Variants in RPTOR observed in about 807,000 individuals in gnomAD.
RPTOR encodes regulatory-associated protein of mTOR.
A neutral mutation model predicts 169.9 loss-of-function variants in RPTOR; 21 were observed. That is an observed-to-expected ratio of 0.12 (90% CI 0.09 to 0.18). The LOEUF is 0.18. Ranked by LOEUF, RPTOR falls within the 10% of genes least tolerant of loss-of-function variation. RPTOR has a pLI of 1.00. For synonymous variants in RPTOR, 732 were observed against 753.2 expected, an observed-to-expected ratio of 0.97 and a Z score of 0.46; for missense variants, 1,133 against 1,855.9, an observed-to-expected ratio of 0.61 and a Z score of 7.16.
intron 7 of RPTOR, among the ~76,000 whole-genome samples, chr17:80,794,782 A>T (rs1026696144): frequency 6.6e-6 from 1 of 152,234 alleles, no homozygotes; most frequent in African/African-American, 2.4e-5. Flanking sequence ...CAGAAGTATC[A>T]CACTAAGTGT....
chr17:80,709,269 A>G (rs1217149490), intron 4 of RPTOR, among the ~76,000 whole-genome samples: 1 of 152,172 alleles, frequency 6.6e-6, no homozygotes, highest in Non-Finnish European at 1.5e-5. Context: ...GCAGGATGTA[A>G]TGAACCACCA....
intron 1 of RPTOR, among the ~76,000 whole-genome samples, chr17:80,588,517 A>G (rs2065080718): frequency 6.6e-6 from 1 of 152,076 alleles, no homozygotes; most frequent in African/African-American, 2.4e-5. Flanking sequence ...GCTATTGTGA[A>G]CCACACTGCA....
At chr17:80,827,557 G>A (rs1007848597) in intron 9 of RPTOR, among the ~76,000 whole-genome samples, 2 of 152,302 alleles carry the variant, frequency 1.3e-5, no homozygotes, top group Non-Finnish European at 2.9e-5. Flanking sequence ...GCCATATTCT[G>A]CTGGTTGAAA....
intron 4 of RPTOR, among the ~76,000 whole-genome samples, chr17:80,729,724 A>T (rs967212302): frequency 6.6e-6 from 1 of 152,250 alleles, no homozygotes; most frequent in Non-Finnish European, 1.5e-5. Flanking sequence ...GCCAACTCTT[A>T]GAGCTCCCCT....
chr17:80,918,510 T>TGAGCACCCTCGCCGGAGTCATAGCCAC (rs2068705775), intron 21 of RPTOR, among the ~76,000 whole-genome samples: 2 of 101,988 alleles, frequency 2.0e-5, no homozygotes, highest in African/African-American at 4.7e-5. Context: ...GTCATAGCCA[T>TGAGCACCCTCGCCGGAGTCATAGCCAC]GAGCACCCTC....
intron 5 of RPTOR, chr17:80,743,273 A>G: frequency 1.0e-6 from 1 of 985,436 alleles, no homozygotes; most frequent in Non-Finnish European, 1.2e-6. Flanking sequence ...ATGATGAACA[A>G]AATGTTTCCG....
At chr17:80,703,085 G>A (rs2066114810) in intron 3 of RPTOR, among the ~76,000 whole-genome samples, 1 of 152,116 alleles carries the variant, frequency 6.6e-6, no homozygotes, top group Non-Finnish European at 1.5e-5. Context: ...TCAGCACCGT[G>A]GCTTGTTCTT....
intron 11 of RPTOR, 120 bp downstream of exon 11, chr17:80,846,694 C>T: frequency 1.3e-6 from 1 of 765,886 alleles, no homozygotes; most frequent in Non-Finnish European, 2.2e-6. Context: ...ACATCCCAGC[C>T]CCTCTGCCCC....
intron 5 of RPTOR, among the ~76,000 whole-genome samples, chr17:80,743,998 C>G (rs146457471): frequency 7.7e-5 from 3 of 38,940 alleles, no homozygotes; most frequent in African/African-American, 2.0e-4. Flanking sequence ...GTTATGAGCA[C>G]AGCCCTGGTT....
intron 3 of RPTOR, among the ~76,000 whole-genome samples, chr17:80,665,471 TCC>T: frequency 5.1e-5 from 2 of 39,212 alleles, no homozygotes; most frequent in Admixed American, 2.3e-4. Flanking sequence ...TCCTTTCCTT[TCC>T]TTTCCTTTCC....
intron 13 of RPTOR, among the ~76,000 whole-genome samples, chr17:80,872,854 T>C (rs1450682711): frequency 6.6e-6 from 1 of 152,106 alleles, no homozygotes; most frequent in Non-Finnish European, 1.5e-5. Context: ...GCTGTCTCTG[T>C]GTGGCAACTT....
chr17:80,742,664 CAT>C (rs750984963), intron 5 of RPTOR, among the ~76,000 whole-genome samples: 8 of 135,680 alleles, frequency 5.9e-5, no homozygotes, highest in Non-Finnish European at 1.3e-4. Flanking sequence ...AACACATGCA[CAT>C]ACACATACAG....
chr17:80,744,667 C>T (rs1374012747), intron 5 of RPTOR, among the ~76,000 whole-genome samples: 1 of 29,272 alleles, frequency 3.4e-5, no homozygotes, highest in Non-Finnish European at 7.1e-5. Context: ...ACGAGCACAG[C>T]CCTGGCTACT....
At chr17:80,634,556 CTGTGTGTGTGCATACTGTG>C (rs1567831075) in intron 2 of RPTOR, among the ~76,000 whole-genome samples, 1 of 72,086 alleles carries the variant, frequency 1.4e-5, no homozygotes, top group Non-Finnish European at 2.7e-5. Flanking sequence ...TGTGTGCATA[CTGTGTGTGTGCATACTGTG>C]TGTGTGTGCG....
At chr17:80,862,727 C>G (rs572956309) in intron 13 of RPTOR, among the ~76,000 whole-genome samples, 24 of 152,088 alleles carry the variant, frequency 1.6e-4, no homozygotes, top group African/African-American at 5.8e-4. Flanking sequence ...GCTCCGCCCC[C>G]ACATGATGAG....
At chr17:80,697,715 C>T (rs68144719) in intron 3 of RPTOR, among the ~76,000 whole-genome samples, 44,295 of 152,140 alleles carry the variant, frequency 0.29, 7,809 homozygotes, top group Admixed American at 0.46. Context: ...CTGGGCTGAG[C>T]AGAGGGCTCG....
At chr17:80,744,091 C>CCCTGGCTACTAGCACTGT (rs2066529750) in intron 5 of RPTOR, among the ~76,000 whole-genome samples, 1 of 87,676 alleles carries the variant, frequency 1.1e-5, no homozygotes. Context: ...ACGAGCACAG[C>CCCTGGCTACTAGCACTGT]CCTGGTTACT....
chr17:80,752,794 C>G (rs1182821175), intron 5 of RPTOR, among the ~76,000 whole-genome samples: 1 of 152,194 alleles, frequency 6.6e-6, no homozygotes, highest in East Asian at 1.9e-4. Context: ...ACAGTCCTGT[C>G]ATTTTTTAAA....
At chr17:80,835,872 A>T (rs971286786) in intron 9 of RPTOR, among the ~76,000 whole-genome samples, 4 of 152,170 alleles carry the variant, frequency 2.6e-5, no homozygotes, top group African/African-American at 9.7e-5. Context: ...GGAGATCAAG[A>T]CTGTGTTCTG....
Sources: gnomAD v4.1 joint callset for allele counts (sites outside exome capture counted in the v4.1 genomes callset) on GRCh38, gnomAD v4.1.1 for gene constraint, MANE v1.5 for transcripts, NCBI Gene and HGNC (gene_info 2026-07-23, HGNC 2026-07-21) for gene names.